SGCD: variants seen among roughly 807,000 people sequenced by gnomAD.
SGCD encodes the protein delta-sarcoglycan.
A neutral mutation model predicts 36.6 loss-of-function variants in SGCD; 18 were observed. The observed-to-expected ratio is 0.49, with a 90% CI of 0.34 to 0.73. The LOEUF (loss-of-function observed/expected upper bound fraction) is 0.73, where lower values mean the gene tolerates loss of function less well. Among genes scored for constraint, SGCD ranks in the 30% least tolerant of loss-of-function variants. SGCD has a pLI of 0.01. For missense variants in SGCD, 387 were observed against 346.7 expected, an observed-to-expected ratio of 1.12 and a Z score of -0.92; for synonymous variants, 133 against 130.6, an observed-to-expected ratio of 1.02 and a Z score of -0.12.
At chr5:156,738,343 C>T (rs1391973360) in intron 7 of SGCD, among the ~76,000 whole-genome samples, 2 of 152,154 alleles carry the variant, frequency 1.3e-5, no homozygotes, top group Admixed American at 6.5e-5. Context: ...TTTGTAGTTT[C>T]ATATGCAGTC....
At chr5:155,812,215 G>A in the SGCD span, among the ~76,000 whole-genome samples, 1 of 152,144 alleles carries the variant, frequency 6.6e-6, no homozygotes, top group African/African-American at 2.4e-5. Flanking sequence ...TATACATATG[G>A]ACAGGTGCCC....
intron 1 of SGCD, among the ~76,000 whole-genome samples, chr5:156,005,787 A>G (rs1758750666): frequency 6.6e-6 from 1 of 152,092 alleles, no homozygotes; most frequent in Non-Finnish European, 1.5e-5. Flanking sequence ...GTTTTTAACC[A>G]TGCGGGCAGC....
intron 7 of SGCD, among the ~76,000 whole-genome samples, chr5:156,722,010 A>T (rs1755533753): frequency 6.6e-6 from 1 of 152,248 alleles, no homozygotes; most frequent in Non-Finnish European, 1.5e-5. Flanking sequence ...GAAAAGCATG[A>T]TCAGTCGCAG....
At chr5:156,523,430 G>T (rs1321813979) in intron 4 of SGCD, among the ~76,000 whole-genome samples, 1 of 152,118 alleles carries the variant, frequency 6.6e-6, no homozygotes, top group African/African-American at 2.4e-5. Flanking sequence ...TAATCACTGG[G>T]ATGATATTGT....
chr5:156,112,933 A>T (rs1761822510), intron 1 of SGCD, among the ~76,000 whole-genome samples: 1 of 152,222 alleles, frequency 6.6e-6, no homozygotes, highest in Admixed American at 6.5e-5. Flanking sequence ...AATCTAATTT[A>T]ATCTTTCTGG....
chr5:156,753,032 C>T (rs1757206599), intron 7 of SGCD, among the ~76,000 whole-genome samples: 1 of 152,134 alleles, frequency 6.6e-6, no homozygotes. Context: ...CCGTGCTTCT[C>T]AAAGTGTGGC....
In SGCD at chr5:156,582,025, C is replaced by T. The variant is rs111373067; in HGVS notation, c.295-7206C>T. Among the ~76,000 whole-genome samples the T allele has an allele frequency of 9.9e-5, 15 of 152,272 alleles. No individual in the cohort carries two copies. In the East Asian group the frequency reaches 1.9e-3, roughly 20 times the overall value. On this transcript the variant is annotated intron_variant, in intron 4 of 8. Coordinates refer to ENST00000337851, the MANE Select transcript of SGCD (RefSeq NM_000337.6). ...CATCAATCATGCTGGGAGATGCAGA[C>T]CAGAGCTGTTCCTATTCAGCCGTCT...
intron 7 of SGCD, among the ~76,000 whole-genome samples, chr5:156,755,031 T>C (rs1757285580): frequency 1.3e-5 from 2 of 152,334 alleles, no homozygotes; most frequent in African/African-American, 2.4e-5. Context: ...ACAGTTACAA[T>C]AGTCCGGGTT....
the SGCD span, among the ~76,000 whole-genome samples, chr5:155,841,118 C>T: frequency 0.044 from 6,722 of 151,240 alleles, 321 homozygotes; most frequent in African/African-American, 0.12. Context: ...ATGTACAGGC[C>T]GAGGGAAAAC....
intron 3 of SGCD, among the ~76,000 whole-genome samples, chr5:156,433,581 G>A (rs1753117506): frequency 6.6e-6 from 1 of 152,182 alleles, no homozygotes; most frequent in Non-Finnish European, 1.5e-5. Flanking sequence ...TACCTGTACA[G>A]TATTAGTGTG....
intron 3 of SGCD, among the ~76,000 whole-genome samples, chr5:156,170,164 A>G (rs1763309739): frequency 6.6e-6 from 1 of 152,200 alleles, no homozygotes; most frequent in African/African-American, 2.4e-5. Flanking sequence ...GACACCATTA[A>G]TAAGACCCTG....
intron 7 of SGCD, among the ~76,000 whole-genome samples, chr5:156,670,207 T>C (rs931907243): frequency 6.6e-5 from 10 of 152,240 alleles, no homozygotes; most frequent in South Asian, 2.1e-4. Context: ...TGTGCTTTTA[T>C]CCATGTGGTC....
intron 1 of SGCD, among the ~76,000 whole-genome samples, chr5:155,880,235 T>C (rs529009053): frequency 6.6e-6 from 1 of 152,316 alleles, no homozygotes; most frequent in East Asian, 1.9e-4. Flanking sequence ...TGGTCATGCA[T>C]GTTTGCTTAG....
At chr5:156,344,345 C>A (rs1009099942) in intron 2 of SGCD, 144 bp from the exon 3 acceptor site, 2 of 579,840 alleles carry the variant, frequency 3.4e-6, no homozygotes, top group East Asian at 3.3e-5. Flanking sequence ...CCAGAGGAAA[C>A]AGATTTTTAG....
intron 3 of SGCD, among the ~76,000 whole-genome samples, chr5:156,129,548 C>T (rs568131224): frequency 2.6e-5 from 4 of 152,126 alleles, no homozygotes; most frequent in Non-Finnish European, 4.4e-5. Flanking sequence ...GGTAAACTAG[C>T]GTCACAGGGG....
At chr5:156,536,189 T>A (rs548657052) in intron 4 of SGCD, among the ~76,000 whole-genome samples, 1 of 152,184 alleles carries the variant, frequency 6.6e-6, no homozygotes, top group Non-Finnish European at 1.5e-5. Flanking sequence ...GTGATTTAGA[T>A]GCATTTTAAA....
chr5:156,686,983 A>C (rs1226057155), intron 7 of SGCD, among the ~76,000 whole-genome samples: 1 of 152,198 alleles, frequency 6.6e-6, no homozygotes, highest in African/African-American at 2.4e-5. Context: ...CAATGCTCCA[A>C]GCAGCTCTTT....
intron 1 of SGCD, among the ~76,000 whole-genome samples, chr5:156,091,685 A>G (rs1430733510): frequency 6.6e-6 from 1 of 152,244 alleles, no homozygotes; most frequent in Non-Finnish European, 1.5e-5. Flanking sequence ...AACAGGGTTT[A>G]AAGTGATAGT....
At chr5:155,804,508 T>C in the SGCD span, among the ~76,000 whole-genome samples, 1 of 152,350 alleles carries the variant, frequency 6.6e-6, no homozygotes, top group East Asian at 1.9e-4. Context: ...TTGTATCCAC[T>C]GTGTGCCTTT....
Sources: gnomAD v4.1 joint callset for allele counts (sites outside exome capture counted in the v4.1 genomes callset) on GRCh38, gnomAD v4.1.1 for gene constraint, MANE v1.5 for transcripts, NCBI Gene and HGNC (gene_info 2026-07-23, HGNC 2026-07-21) for gene names.